Variants in TBC1D5 observed in about 807,000 individuals in gnomAD.
TBC1D5 encodes the protein TBC1 domain family member 5.
TBC1D5 carries 75 observed loss-of-function variants against 100.3 expected under a neutral mutation model. The ratio of observed to expected loss-of-function variants is 0.75; its 90% CI spans 0.62 to 0.91. The LOEUF is 0.91. Ranked by LOEUF, TBC1D5 falls within the 40% of genes least tolerant of loss-of-function variation. TBC1D5 has a pLI of 0.00. For missense variants in TBC1D5, 910 were observed against 942.4 expected (o/e 0.97, Z 0.45); for synonymous variants, 323 against 325.6 (o/e 0.99, Z 0.09).
intron 2 of TBC1D5, among the ~76,000 whole-genome samples, chr3:17,512,773 A>G (rs1029532832): frequency 2.0e-5 from 3 of 152,206 alleles, no homozygotes; most frequent in African/African-American, 7.2e-5. Context: ...TAATTTTACA[A>G]TACGGTTTTA....
At chr3:17,256,517 T>C (rs745565903) in intron 16 of TBC1D5, among the ~76,000 whole-genome samples, 46 of 150,708 alleles carry the variant, frequency 3.1e-4, no homozygotes, top group Admixed American at 6.0e-4. Flanking sequence ...GGAAGAAAAA[T>C]GCAGGGAGAG....
intron 15 of TBC1D5, among the ~76,000 whole-genome samples, chr3:17,268,757 A>G (rs2079076481): frequency 6.6e-6 from 1 of 152,014 alleles, no homozygotes; most frequent in African/African-American, 2.4e-5. Context: ...AAAGATGTAA[A>G]TTTTTCCCAT....
intron 1 of TBC1D5, among the ~76,000 whole-genome samples, chr3:17,626,649 G>C (rs1264781012): frequency 6.6e-6 from 1 of 152,136 alleles, no homozygotes; most frequent in Non-Finnish European, 1.5e-5. Flanking sequence ...CACAGAGGGG[G>C]CAAGACAAGA....
chr3:17,502,551 CA>C (rs2153224189), intron 3 of TBC1D5, among the ~76,000 whole-genome samples: 1 of 149,518 alleles, frequency 6.7e-6, no homozygotes, highest in Non-Finnish European at 1.5e-5. Context: ...GAGGTAATCA[CA>C]ATCATTGCCA....
intron 1 of TBC1D5, among the ~76,000 whole-genome samples, chr3:17,634,626 TAAAAA>T (rs1000749608): frequency 1.2e-5 from 1 of 85,516 alleles, no homozygotes. Context: ...GCTAATAGGG[TAAAAA>T]AAAAAAAAAA....
intron 15 of TBC1D5, among the ~76,000 whole-genome samples, chr3:17,291,136 A>G (rs1298040081): frequency 6.6e-6 from 1 of 152,238 alleles, no homozygotes. Flanking sequence ...AAAGGCTGGG[A>G]TTACCATCCA....
At chr3:17,729,452 A>G (rs139605904) in intron 1 of TBC1D5, among the ~76,000 whole-genome samples, 190 of 152,332 alleles carry the variant, frequency 1.2e-3, no homozygotes, top group African/African-American at 4.4e-3. Context: ...TCACGCCTAT[A>G]ATCTCAGCAC....
At chr3:17,666,021 G>A (rs2067218586) in intron 1 of TBC1D5, among the ~76,000 whole-genome samples, 1 of 152,116 alleles carries the variant, frequency 6.6e-6, no homozygotes, top group South Asian at 2.1e-4. Flanking sequence ...TAGAAACAAA[G>A]CTAAATAGAA....
At chr3:17,447,088 C>T (rs534261765) in intron 3 of TBC1D5, among the ~76,000 whole-genome samples, 1 of 152,174 alleles carries the variant, frequency 6.6e-6, no homozygotes, top group South Asian at 2.1e-4. Context: ...TAGGATGTTA[C>T]TGTCAAGGCC....
chr3:17,637,204 T>TTC, intron 1 of TBC1D5, among the ~76,000 whole-genome samples: 1 of 140,342 alleles, frequency 7.1e-6, no homozygotes, highest in African/African-American at 2.7e-5. Flanking sequence ...TTTTTTTTTT[T>TTC]TTTTTTTTTT....
At chr3:17,164,610 G>T (rs1007611788) in intron 21 of TBC1D5, among the ~76,000 whole-genome samples, 15 of 152,310 alleles carry the variant, frequency 9.8e-5, no homozygotes, top group Non-Finnish European at 2.1e-4. Flanking sequence ...GGGGTAGCCT[G>T]TCCACGGCCC....
chr3:17,535,798 C>A (rs1159559941), intron 2 of TBC1D5, among the ~76,000 whole-genome samples: 1 of 151,954 alleles, frequency 6.6e-6, no homozygotes, highest in East Asian at 1.9e-4. Context: ...TCATTTTAAA[C>A]TTTAAAATGA....
intron 14 of TBC1D5, among the ~76,000 whole-genome samples, chr3:17,293,145 T>C (rs1380681424): frequency 6.6e-6 from 1 of 152,180 alleles, no homozygotes; most frequent in East Asian, 1.9e-4. Flanking sequence ...ATACATCTGC[T>C]TTCATTTGTA....
At chr3:17,231,149 CAT>C (rs1454608456) in intron 17 of TBC1D5, among the ~76,000 whole-genome samples, 4 of 152,066 alleles carry the variant, frequency 2.6e-5, no homozygotes, top group Admixed American at 6.6e-5. Flanking sequence ...TTAAAAATAA[CAT>C]ATGTCTTGTG....
chr3:17,454,396 A>T (rs2095002609), intron 3 of TBC1D5, among the ~76,000 whole-genome samples: 1 of 152,232 alleles, frequency 6.6e-6, no homozygotes, highest in East Asian at 1.9e-4. Context: ...AAAAAAAACT[A>T]GTAGAACTGA....
At chr3:17,207,750 C>T (rs563529792) in intron 18 of TBC1D5, among the ~76,000 whole-genome samples, 1 of 152,262 alleles carries the variant, frequency 6.6e-6, no homozygotes, top group South Asian at 2.1e-4. Flanking sequence ...TATGTCATAC[C>T]TATATAGATT....
intron 14 of TBC1D5, among the ~76,000 whole-genome samples, chr3:17,304,392 T>G (rs115397991): frequency 6.6e-6 from 1 of 152,120 alleles, no homozygotes; most frequent in African/African-American, 2.4e-5. Context: ...ACAAAGAAGA[T>G]ATTTTCTCTT....
intron 18 of TBC1D5, among the ~76,000 whole-genome samples, chr3:17,207,576 CATTAT>C (rs2072379428): frequency 6.6e-6 from 1 of 152,176 alleles, no homozygotes; most frequent in African/African-American, 2.4e-5. Flanking sequence ...TGCCCTCTTT[CATTAT>C]ATGGCCAAAT....
chr3:17,287,375 T>C lies in TBC1D5; in HGVS notation c.1245+4520A>G, dbSNP rs538433864. Among the ~76,000 whole-genome samples the C allele has an allele frequency of 2.0e-5, 3 of 152,306 alleles. No homozygotes were observed. The East Asian group carries it at 5.8e-4, about 29-fold the overall frequency. ...AACTTACAAAACACACATGCATATA[T>C]ACAAGGTGCCGTGGGAACTCAAAGG... On this transcript the variant is annotated intron_variant, in intron 15 of 21. Transcript: ENST00000253692.
Sources: gnomAD v4.1 joint callset for allele counts (sites outside exome capture counted in the v4.1 genomes callset) on GRCh38, gnomAD v4.1.1 for gene constraint, MANE v1.5 for transcripts, NCBI Gene and HGNC (gene_info 2026-07-23, HGNC 2026-07-21) for gene names.